The following ZFHX3 variants were observed in gnomAD, a reference collection of about 807,000 sequenced individuals.
ZFHX3 encodes zinc finger homeobox protein 3.
ZFHX3 carries 42 observed loss-of-function variants against 279.1 expected under a neutral mutation model. The ratio of observed to expected loss-of-function variants is 0.15; its 90% CI spans 0.12 to 0.19. ZFHX3 has a LOEUF of 0.19. Among genes scored for constraint, ZFHX3 ranks in the 10% least tolerant of loss-of-function variants. The pLI, the probability that ZFHX3 is intolerant of heterozygous loss-of-function variation, is 1.00. For synonymous variants in ZFHX3, 2,293 were observed against 1,957.8 expected (o/e 1.17, Z -4.52); for missense variants, 4,981 against 4,754.0 (o/e 1.05, Z -1.40).
At chr16:73,038,532 G>A (rs1289819742) in intron 1 of ZFHX3, among the ~76,000 whole-genome samples, 1 of 152,208 alleles carries the variant, frequency 6.6e-6, no homozygotes, top group African/African-American at 2.4e-5. Context: ...CACTGGACAT[G>A]GGGCTGGTTC....
At chr16:72,818,168 G>A (rs2143644951) in intron 5 of ZFHX3, among the ~76,000 whole-genome samples, 1 of 152,310 alleles carries the variant, frequency 6.6e-6, no homozygotes, top group East Asian at 1.9e-4. Context: ...CACCAGATCT[G>A]AAAATGGTCC....
chr16:73,885,405 T>C (rs1212947656), intron 1 of ZFHX3, among the ~76,000 whole-genome samples: 2 of 152,226 alleles, frequency 1.3e-5, no homozygotes, highest in African/African-American at 4.8e-5. Context: ...AGCTGCGCTG[T>C]GGATGGCTGA....
chr16:73,688,673 T>A (rs2053116643), intron 1 of ZFHX3, among the ~76,000 whole-genome samples: 1 of 152,206 alleles, frequency 6.6e-6, no homozygotes, highest in Non-Finnish European at 1.5e-5. Context: ...TAAGGTATTT[T>A]TTCATAGCAG....
chr16:73,805,695 G>A (rs757795314), intron 1 of ZFHX3, among the ~76,000 whole-genome samples: 14 of 152,190 alleles, frequency 9.2e-5, no homozygotes, highest in Non-Finnish European at 1.6e-4. Context: ...CATAGCAATG[G>A]ACAAAACAGT....
chr16:73,499,144 T>C (rs1194516007), intron 2 of ZFHX3: 1 of 152,194 alleles, frequency 6.6e-6, no homozygotes, highest in African/African-American at 2.4e-5. Context: ...GAGAGCTGGA[T>C]GGCCTGTGGG....
chr16:73,444,867 C>A (rs953468798), intron 3 of ZFHX3, among the ~76,000 whole-genome samples: 2 of 148,736 alleles, frequency 1.3e-5, no homozygotes, highest in Non-Finnish European at 3.0e-5. Context: ...CGCCTGTAAT[C>A]CCAACGCTTT....
intron 7 of ZFHX3, among the ~76,000 whole-genome samples, chr16:73,106,299 A>G (rs1006560296): frequency 7.2e-5 from 11 of 151,900 alleles, no homozygotes; most frequent in African/African-American, 2.2e-4. Flanking sequence ...TTCTTTTATT[A>G]TTTAGTGATG....
At chr16:73,165,898 G>T (rs939288754) in intron 5 of ZFHX3, among the ~76,000 whole-genome samples, 1 of 152,182 alleles carries the variant, frequency 6.6e-6, no homozygotes, top group African/African-American at 2.4e-5. Context: ...CAAATTGGGG[G>T]ATAATATAGA....
chr16:72,812,095 G>A (rs554006714), intron 5 of ZFHX3, 57 bp from the exon 6 acceptor site: 5 of 1,569,420 alleles, frequency 3.2e-6, no homozygotes, highest in Admixed American at 2.0e-5. Context: ...GCTCCCAGAG[G>A]GTTTGTGTTG....
intron 7 of ZFHX3, among the ~76,000 whole-genome samples, chr16:72,810,085 C>T (rs755290482): frequency 4.6e-5 from 7 of 151,980 alleles, no homozygotes; most frequent in Non-Finnish European, 1.0e-4. Flanking sequence ...AGGGTTTCAC[C>T]GTGTTAGCCA....
At chr16:73,470,677 T>C (rs1269831025) in intron 2 of ZFHX3, among the ~76,000 whole-genome samples, 1 of 152,212 alleles carries the variant, frequency 6.6e-6, no homozygotes, top group Non-Finnish European at 1.5e-5. Context: ...AAGACAGCTC[T>C]ATGGAGTGAA....
chr16:73,537,314 CTTTTTTT>C (rs3051948), intron 2 of ZFHX3, among the ~76,000 whole-genome samples: 7 of 77,626 alleles, frequency 9.0e-5, no homozygotes, highest in South Asian at 5.5e-4. Flanking sequence ...CTTTCTTCTT[CTTTTTTT>C]TTTTTTTTTT....
At chr16:73,843,082 G>C (rs1278867090) in intron 1 of ZFHX3, among the ~76,000 whole-genome samples, 2 of 152,124 alleles carry the variant, frequency 1.3e-5, no homozygotes, top group South Asian at 4.1e-4. Flanking sequence ...TGTTTTTGCA[G>C]AATTTTCCAG....
intron 5 of ZFHX3, among the ~76,000 whole-genome samples, chr16:73,186,376 C>G (rs998456670): frequency 9.9e-5 from 15 of 152,082 alleles, no homozygotes; most frequent in African/African-American, 3.4e-4. Flanking sequence ...GTGAATAGAA[C>G]CCCCCTCACC....
At chr16:73,449,598 G>C (rs1004650278) in intron 3 of ZFHX3, among the ~76,000 whole-genome samples, 4 of 152,130 alleles carry the variant, frequency 2.6e-5, no homozygotes, top group Admixed American at 2.0e-4. Context: ...TAAAAAACTT[G>C]AGCACTTAAT....
intron 3 of ZFHX3, among the ~76,000 whole-genome samples, chr16:72,929,171 G>A (rs1163057766): frequency 6.6e-6 from 1 of 151,776 alleles, no homozygotes; most frequent in African/African-American, 2.4e-5. Context: ...CTGGGAAGTG[G>A]AGGTTGCAGT....
At chr16:72,800,277 T>G (rs1197951549) in intron 7 of ZFHX3, 148 bp from the exon 8 acceptor site, 2 of 652,324 alleles carry the variant, frequency 3.1e-6, no homozygotes, top group Non-Finnish European at 5.4e-6. Context: ...AGATTCATGT[T>G]TATTAGACAA....
At chr16:73,334,810 C>CTTT (rs368597124) in intron 3 of ZFHX3, among the ~76,000 whole-genome samples, 1,900 of 57,892 alleles carry the variant, frequency 0.033, 420 homozygotes, top group Middle Eastern at 0.038. Context: ...CTTTCTCATT[C>CTTT]TTTTTTTTTT....
At chr16:72,789,466 G>T (rs914004054) in intron 9 of ZFHX3, 2 of 152,252 alleles carry the variant, frequency 1.3e-5, no homozygotes, top group Non-Finnish European at 2.9e-5. Context: ...TGGCCACGAG[G>T]TCCCCAGAGA....
Sources: allele counts gnomAD v4.1 joint callset (sites outside exome capture counted in the v4.1 genomes callset), GRCh38; gene constraint gnomAD v4.1.1; transcripts MANE v1.5; gene names NCBI Gene and HGNC (gene_info 2026-07-23, HGNC 2026-07-21).